Variants in JAZF1 observed in about 807,000 individuals in gnomAD.
JAZF1 encodes the protein JAZF zinc finger 1.
JAZF1 carries 8 observed loss-of-function variants against 26.4 expected under a neutral mutation model. The observed-to-expected ratio is 0.30, with a 90% CI of 0.18 to 0.55. The LOEUF is 0.55. Ranked by LOEUF, JAZF1 falls within the 20% of genes least tolerant of loss-of-function variation. The probability of loss-of-function intolerance (pLI) is 0.94; values close to 1 mark genes in which losing one functional copy is unlikely to be tolerated. For missense variants in JAZF1, 199 were observed against 322.0 expected (o/e 0.62, Z 2.92); for synonymous variants, 126 against 122.3 (o/e 1.03, Z -0.20).
At chr7:27,989,566 G>C (rs4357200) in intron 2 of JAZF1, among the ~76,000 whole-genome samples, 40,233 of 152,022 alleles carry the variant, frequency 0.26, 5,721 homozygotes, top group East Asian at 0.5. Flanking sequence ...AATCTACAAA[G>C]AACTTAAACA....
intron 1 of JAZF1, among the ~76,000 whole-genome samples, chr7:28,053,686 A>G (rs974730165): frequency 6.6e-6 from 1 of 152,244 alleles, no homozygotes; most frequent in Non-Finnish European, 1.5e-5. Flanking sequence ...ACAGATTTCA[A>G]CCAATAAGAG....
chr7:28,015,255 A>C (rs933233106), intron 1 of JAZF1, among the ~76,000 whole-genome samples: 2 of 152,278 alleles, frequency 1.3e-5, no homozygotes, highest in Admixed American at 6.5e-5. Flanking sequence ...AGGGAACTGA[A>C]CTGAGACAAC....
intron 2 of JAZF1, among the ~76,000 whole-genome samples, chr7:27,900,100 G>T (rs1784141560): frequency 1.3e-5 from 2 of 152,150 alleles, no homozygotes; most frequent in Admixed American, 1.3e-4. Flanking sequence ...GCCCCACTGG[G>T]CTACGATCTG....
At chr7:28,179,851 A>G (rs914657244) in intron 1 of JAZF1, among the ~76,000 whole-genome samples, 69 of 142,038 alleles carry the variant, frequency 4.9e-4, no homozygotes, top group Middle Eastern at 3.6e-3. Context: ...CGCTGACAGG[A>G]CGCAGTGGCG....
At chr7:27,948,356 G>C (rs1176003099) in intron 2 of JAZF1, among the ~76,000 whole-genome samples, 1 of 152,080 alleles carries the variant, frequency 6.6e-6, no homozygotes, top group East Asian at 1.9e-4. Context: ...TATACAGAGG[G>C]GCAGCTGTTG....
At chr7:27,876,160 C>A (rs1049681825) in intron 3 of JAZF1, among the ~76,000 whole-genome samples, 1 of 152,208 alleles carries the variant, frequency 6.6e-6, no homozygotes, top group South Asian at 2.1e-4. Context: ...TAACTCACAG[C>A]GTTGTTCTTA....
At chr7:28,130,326 C>G (rs914848844) in intron 1 of JAZF1, among the ~76,000 whole-genome samples, 1 of 152,136 alleles carries the variant, frequency 6.6e-6, no homozygotes, top group Non-Finnish European at 1.5e-5. Flanking sequence ...GACCCTCCCC[C>G]CAACAAAAAT....
intron 1 of JAZF1, among the ~76,000 whole-genome samples, chr7:28,121,221 G>A (rs948611314): frequency 4.1e-5 from 6 of 147,842 alleles, no homozygotes; most frequent in Admixed American, 2.0e-4. Flanking sequence ...AAAAAAATCC[G>A]GAGGTTCCCT....
rs1047346464 is a variant in JAZF1 at position 28,055,536 on chromosome 7, C to G, written c.116-63555G>C. 7.9e-5 allele frequency among the ~76,000 whole-genome samples: 12 copies of G among 152,244 alleles called. No homozygotes were observed. The East Asian group carries it at 2.3e-3, about 29-fold the overall frequency. ...GACTGTTAAACATATGTATGTATAC[C>G]TTTCCAGCTTCCTCCAAATGAATAC... is the stretch of plus-strand genomic sequence containing the variant. On this transcript the variant is annotated intron_variant, in intron 1 of 4. Coordinates refer to ENST00000283928, the MANE Select transcript of JAZF1 (RefSeq NM_175061.4).
chr7:28,109,295 C>T (rs926055797), intron 1 of JAZF1, among the ~76,000 whole-genome samples: 9 of 152,120 alleles, frequency 5.9e-5, no homozygotes, highest in Admixed American at 5.2e-4. Flanking sequence ...ACAATGTCGA[C>T]ATATATCAAA....
chr7:28,099,975 A>G (rs1307654084), intron 1 of JAZF1, among the ~76,000 whole-genome samples: 3 of 152,338 alleles, frequency 2.0e-5, no homozygotes, highest in South Asian at 2.1e-4. Context: ...TGCACTAAAC[A>G]TCGTGTTCTT....
chr7:27,867,722 TA>T (rs1230029054), intron 3 of JAZF1, among the ~76,000 whole-genome samples: 1 of 152,346 alleles, frequency 6.6e-6, no homozygotes, highest in African/African-American at 2.4e-5. Context: ...GAATGAGATC[TA>T]AAAATCAGTC....
chr7:27,991,224 A>T (rs1266605140), intron 2 of JAZF1, among the ~76,000 whole-genome samples: 1 of 152,164 alleles, frequency 6.6e-6, no homozygotes, highest in African/African-American at 2.4e-5. Context: ...TTCTCATTAA[A>T]AACTAGTTTT....
chr7:28,119,045 T>C (rs1272795323), intron 1 of JAZF1, among the ~76,000 whole-genome samples: 1 of 152,204 alleles, frequency 6.6e-6, no homozygotes, highest in Non-Finnish European at 1.5e-5. Context: ...CTAAGACCTC[T>C]GTGCTGTTAA....
At chr7:28,013,545 A>G (rs1170939856) in intron 1 of JAZF1, among the ~76,000 whole-genome samples, 1 of 152,034 alleles carries the variant, frequency 6.6e-6, no homozygotes, top group Non-Finnish European at 1.5e-5. Context: ...CATTTTTTAC[A>G]AGCTCCCAGG....
chr7:27,846,424 T>TAC, intron 3 of JAZF1: 1 of 468,246 alleles, frequency 2.1e-6, no homozygotes, highest in Admixed American at 2.4e-5. Flanking sequence ...TATACATATA[T>TAC]ACACACAGAT....
intron 1 of JAZF1, among the ~76,000 whole-genome samples, chr7:28,079,836 G>A (rs1055194265): frequency 6.6e-6 from 1 of 152,138 alleles, no homozygotes; most frequent in Non-Finnish European, 1.5e-5. Flanking sequence ...TGATTGTTCA[G>A]CTAGCACCAT....
chr7:27,838,786 C>T (rs1453901214), intron 4 of JAZF1, among the ~76,000 whole-genome samples: 1 of 152,208 alleles, frequency 6.6e-6, no homozygotes, highest in Non-Finnish European at 1.5e-5. Flanking sequence ...GGTCACAAGC[C>T]TGCTATGGCC....
At chr7:28,116,108 A>G (rs1443892844) in intron 1 of JAZF1, among the ~76,000 whole-genome samples, 1 of 152,220 alleles carries the variant, frequency 6.6e-6, no homozygotes, top group Admixed American at 6.5e-5. Flanking sequence ...GTCTAATGAG[A>G]CACCTACTCT....
Sources: allele counts gnomAD v4.1 joint callset (sites outside exome capture counted in the v4.1 genomes callset), GRCh38; gene constraint gnomAD v4.1.1; transcripts MANE v1.5; gene names NCBI Gene and HGNC (gene_info 2026-07-23, HGNC 2026-07-21).